ZC3H3: variants seen among roughly 807,000 people sequenced by gnomAD.
ZC3H3 encodes zinc finger CCCH domain-containing protein 3.
ZC3H3 carries 36 observed loss-of-function variants against 77.3 expected under a neutral mutation model. The ratio of observed to expected loss-of-function variants is 0.47; its 90% CI spans 0.36 to 0.61. ZC3H3 has a LOEUF of 0.61. Ranked by LOEUF, ZC3H3 falls within the 20% of genes least tolerant of loss-of-function variation. The pLI is 0.00. For missense variants in ZC3H3, 1,331 were observed against 1,312.2 expected, an observed-to-expected ratio of 1.01 and a Z score of -0.22; for synonymous variants, 626 against 555.2, an observed-to-expected ratio of 1.13 and a Z score of -1.79.
intron 4 of ZC3H3, among the ~76,000 whole-genome samples, chr8:143,498,264 C>T (rs1053619940): frequency 6.6e-6 from 1 of 152,204 alleles, no homozygotes; most frequent in Non-Finnish European, 1.5e-5. Flanking sequence ...AAATCACAAC[C>T]CAAAGCACCA....
At chr8:143,515,623 C>A (rs1822014659) in intron 3 of ZC3H3, among the ~76,000 whole-genome samples, 1 of 152,216 alleles carries the variant, frequency 6.6e-6, no homozygotes, top group Non-Finnish European at 1.5e-5. Context: ...AGAAGGAAGG[C>A]ACCTCTGCCC....
intron 4 of ZC3H3, chr8:143,484,723 T>C (rs1586912552): frequency 9.3e-6 from 3 of 321,416 alleles, no homozygotes; most frequent in African/African-American, 4.4e-5. Flanking sequence ...CAGGACCCAC[T>C]CTGTCTGTGC....
chr8:143,514,915 G>T (rs545032158), intron 3 of ZC3H3, among the ~76,000 whole-genome samples: 3 of 152,212 alleles, frequency 2.0e-5, no homozygotes, highest in Admixed American at 6.5e-5. Context: ...GCCCATGTGC[G>T]GCTAGGCCCG....
chr8:143,471,589 C>T (rs1165383070), intron 5 of ZC3H3, among the ~76,000 whole-genome samples: 2 of 152,216 alleles, frequency 1.3e-5, no homozygotes, highest in African/African-American at 4.8e-5. Flanking sequence ...TCACTGGGGG[C>T]CCACACAGGA....
chr8:143,478,200 C>T (rs1166356124), intron 4 of ZC3H3, among the ~76,000 whole-genome samples: 1 of 152,226 alleles, frequency 6.6e-6, no homozygotes, highest in Non-Finnish European at 1.5e-5. Flanking sequence ...TGCAAGGACT[C>T]ACCTGCAGGA....
rs1476274670 is a variant in ZC3H3, at chr8:143,460,197, G to A, written c.2307+5520C>T. ...CGGGAGGCGGAAGTTGCAGTGAGCC[G>A]AGATCATGCCATTGCACTCCAGCCT... On this transcript the variant is annotated intron_variant, in intron 9 of 11. Transcript: ENST00000262577. This position sits in a 1 kb window ranked among gnomAD's most constrained non-coding sequence, Gnocchi z 4.0. Among the ~76,000 whole-genome samples the A allele has an allele frequency of 2.6e-5, 4 of 151,852 alleles. No individual in the cohort carries two copies. Among genetic ancestry groups the A allele is most frequent in the Non-Finnish European group, 5.9e-5 (4 of 67,988 alleles).
intron 11 of ZC3H3, among the ~76,000 whole-genome samples, 193 bp downstream of exon 11, chr8:143,439,848 G>A (rs561957678): frequency 2.7e-5 from 3 of 110,600 alleles, no homozygotes; most frequent in Admixed American, 1.7e-4. Context: ...GGGGGGCCCT[G>A]GGGGCCTGAG....
chr8:143,530,764 T>G lies in ZC3H3; in HGVS notation c.1561+5493A>C, dbSNP rs1342266175. 1.1e-4 allele frequency among the ~76,000 whole-genome samples: 17 copies of G among 152,142 alleles called. No individual in the cohort carries two copies. ...CTGTAAACACTGTACTCGAGAACAC[T>G]GATTGCCACAGTTATGTGAGTGGCA... On this transcript the variant is annotated intron_variant, in intron 3 of 11. Transcript: ENST00000262577. The surrounding 1 kb of genome is among the most constrained non-coding windows in gnomAD (Gnocchi z 4.3).
At chr8:143,470,613 C>T (rs1037741172) in intron 5 of ZC3H3, among the ~76,000 whole-genome samples, 2 of 152,222 alleles carry the variant, frequency 1.3e-5, no homozygotes, top group Admixed American at 1.3e-4. Context: ...AGTGACACTG[C>T]GACGCCATCT....
intron 3 of ZC3H3, among the ~76,000 whole-genome samples, chr8:143,527,805 C>A (rs1027046688): frequency 6.6e-6 from 1 of 152,150 alleles, no homozygotes; most frequent in African/African-American, 2.4e-5. Flanking sequence ...CACAGCCCAG[C>A]AGGAACATCA....
intron 11 of ZC3H3, among the ~76,000 whole-genome samples, chr8:143,439,309 T>C (rs1586865807): frequency 6.6e-6 from 1 of 152,118 alleles, no homozygotes; most frequent in Non-Finnish European, 1.5e-5. Context: ...GCGGAGCTGT[T>C]GCAGAAGGCT....
chr8:143,529,559 A>C (rs4242488), intron 3 of ZC3H3, among the ~76,000 whole-genome samples: 79,022 of 152,068 alleles, frequency 0.52, 20,763 homozygotes, highest in East Asian at 0.68. Context: ...TGAGACCGAG[A>C]AGTCAGGAGG....
chr8:143,490,243 C>T (rs1041506425), intron 4 of ZC3H3, among the ~76,000 whole-genome samples: 36 of 152,342 alleles, frequency 2.4e-4, no homozygotes, highest in African/African-American at 8.4e-4. Flanking sequence ...GTCTCACCCA[C>T]GGTCCCATCT....
rs34791886 is a variant in ZC3H3 at position 143,460,634 on chromosome 8, A to G, written c.2307+5083T>C. Among the ~76,000 whole-genome samples the G allele has an allele frequency of 0.36, 55,304 of 152,142 alleles. 12,288 individuals are homozygous for G. Among genetic ancestry groups the G allele is most frequent in the East Asian group, 0.74 (3,836 of 5,178 alleles). Reference sequence around the variant, plus strand: ...GTCAGGAATCACTACAGCACCAGTCACAGTAGCCACATAACCACCAGCACA... The same window carrying G: ...GTCAGGAATCACTACAGCACCAGTCGCAGTAGCCACATAACCACCAGCACA... On this transcript the variant is annotated intron_variant, in intron 9 of 11. Transcript: ENST00000262577. The surrounding 1 kb of genome is among the most constrained non-coding windows in gnomAD (Gnocchi z 4.0).
intron 9 of ZC3H3, among the ~76,000 whole-genome samples, chr8:143,453,686 T>C (rs1023059366): frequency 2.0e-5 from 3 of 152,250 alleles, no homozygotes; most frequent in Non-Finnish European, 4.4e-5. Context: ...AAGAACAAGA[T>C]AAGCAAAAAT....
intron 3 of ZC3H3, among the ~76,000 whole-genome samples, chr8:143,518,267 C>A (rs960404599): frequency 2.0e-5 from 3 of 152,226 alleles, no homozygotes; most frequent in Non-Finnish European, 4.4e-5. Flanking sequence ...TCCCTCCCAG[C>A]CCACCCCTGA....
At chr8:143,448,201 G>A (rs990028195) in intron 9 of ZC3H3, among the ~76,000 whole-genome samples, 4 of 151,908 alleles carry the variant, frequency 2.6e-5, no homozygotes, top group Non-Finnish European at 4.4e-5. Context: ...AGCTTCTAGG[G>A]AGGCTGAGGC....
intron 4 of ZC3H3, chr8:143,484,622 C>T (rs116024855): frequency 0.016 from 2,722 of 165,806 alleles, 79 homozygotes; most frequent in African/African-American, 0.061. Flanking sequence ...TCAGCTCGTC[C>T]GGCAGAGGTG....
chr8:143,472,437 G>A (rs941836876), intron 5 of ZC3H3, among the ~76,000 whole-genome samples: 5 of 152,224 alleles, frequency 3.3e-5, no homozygotes, highest in African/African-American at 7.2e-5. Flanking sequence ...TGGCACCGAC[G>A]GGGAGACACA....
Sources: gnomAD v4.1 joint callset for allele counts (sites outside exome capture counted in the v4.1 genomes callset) on GRCh38, gnomAD v4.1.1 for gene constraint, Gnocchi (gnomAD v3.1) non-coding constraint, MANE v1.5 for transcripts, NCBI Gene and HGNC (gene_info 2026-07-23, HGNC 2026-07-21) for gene names.